Variants in HCFC1 observed in about 807,000 individuals in gnomAD.
The protein encoded by HCFC1 is host cell factor 1.
Under a neutral mutation model 105.5 loss-of-function variants are expected in HCFC1, and 7 were observed. The ratio of observed to expected loss-of-function variants is 0.07; its 90% CI spans 0.04 to 0.12. The LOEUF (loss-of-function observed/expected upper bound fraction) is 0.12, where lower values mean the gene tolerates loss of function less well. Ranked by LOEUF, HCFC1 falls within the 10% of genes least tolerant of loss-of-function variation. The pLI is 1.00. For missense variants in HCFC1, 1,065 were observed against 1,823.6 expected (o/e 0.58, Z 7.58); for synonymous variants, 918 against 828.1 (o/e 1.11, Z -1.86).
Position 153,956,364 on chromosome X carries a change from C to G in HCFC1, c.2683G>C (p.Ala895Pro). The change falls in exon 16 of 26, where the codon GCC (alanine) becomes CCC (proline). Residue 895 changes from alanine (A) to proline (P), a missense_variant. By Grantham distance (27) the Ala-to-Pro change is conservative. Around this residue, in one of 17 missense-constraint regions of HCFC1, gnomAD observed 137 missense variants for 378.2 expected, o/e 0.36. Transcript: ENST00000310441. ...TVTGTVSTSL[A>P]GAGGHSTSAS... ...CTAGTGCTGTGGCCCCCCGCCCCGGCAAGGCTGGTGGAGACGGTGCCTGTC... is the reference window on the plus strand; with the variant it reads ...CTAGTGCTGTGGCCCCCCGCCCCGGGAAGGCTGGTGGAGACGGTGCCTGTC... The G allele has an allele frequency of 8.2e-7, 1 of 1,212,157 alleles. No homozygotes were observed.
intron 1 of HCFC1, among the ~76,000 whole-genome samples, chrX:153,968,965 C>T (rs1262152625): frequency 8.9e-6 from 1 of 112,052 alleles, no homozygotes; most frequent in Non-Finnish European, 1.9e-5. Context: ...GCGCCCCCGC[C>T]CGGGGGCTGC....
At position 153,952,507 on chromosome X, in the gene HCFC1, C is replaced by T. The variant is rs1557112887; in HGVS notation, c.4942+7G>A. 8.7e-7 allele frequency: 1 copy of T among 1,149,477 alleles called. No homozygotes were observed. Among genetic ancestry groups the T allele is most frequent in the Admixed American group, 2.7e-5 (1 of 37,697 alleles). 94.7% of individuals were successfully genotyped at this position (1,149,477 alleles called of 1,213,427 possible). ...CCCGGCTTCCCCAGGGTTGCACCGG[C>T]ACTCACCCATGACGGCCTGCTGCGC... On this transcript the variant is annotated splice_region_variant and intron_variant, in intron 19 of 25. Transcript: ENST00000310441.
Position 153,949,398 on chromosome X carries a change from G to A in HCFC1, c.6069-12C>T, listed in dbSNP as rs782593087. 14 of 1,201,721 alleles carry A rather than the reference G, an allele frequency of 1.2e-5. No homozygotes were observed. The highest frequency in any genetic ancestry group is 1.8e-5 in the African/African-American group (1 of 56,740). ...TTGGAGCAGATTTCCTTGGAAGGCA[G>A]AAAAAGGAAAGAGAAAGTTAGTGTG... On this transcript the variant is annotated splice_polypyrimidine_tract_variant and intron_variant, in intron 25 of 25. Coordinates refer to ENST00000310441, the MANE Select transcript of HCFC1 (RefSeq NM_005334.3).
intron 3 of HCFC1, 142 bp from the exon 4 acceptor site, chrX:153,963,575 T>G: frequency 4.3e-6 from 2 of 464,290 alleles, no homozygotes; most frequent in Non-Finnish European, 7.4e-6. Context: ...ACCCTAGCTC[T>G]TGAGGAAGGG....
At position 153,951,856 on chromosome X, in the gene HCFC1, A is replaced by T; in HGVS notation, c.5245T>A (p.Ser1749Thr). The change falls in exon 20 of 26, where the codon TCA (serine) becomes ACA (threonine). Residue 1749 changes from serine to threonine, a missense_variant. Coordinates refer to ENST00000310441, the MANE Select transcript of HCFC1 (RefSeq NM_005334.3). Reference protein sequence around the residue: ...TVPSTVALLPSTATESLAPSN... With the variant: ...TVPSTVALLPTTATESLAPSN... ...AGTCGCTTACTCTCAGTGGCCGTTGAGGGCAGCAGCGCCACAGTGCTGGGG... is the reference window on the plus strand; with the variant it reads ...AGTCGCTTACTCTCAGTGGCCGTTGTGGGCAGCAGCGCCACAGTGCTGGGG... The T allele has an allele frequency of 8.4e-7, 1 of 1,193,817 alleles. No individual in the cohort carries two copies. Among genetic ancestry groups the T allele is most frequent in the Non-Finnish European group, 1.1e-6 (1 of 885,344 alleles).
rs2065418849 is a variant in HCFC1, at chrX:153,960,430, C to A, written c.905-16G>T. ...GCCATGGTATCTGGGGGAGGGCAGA[C>A]AAGGGAGGTCAGCAAGGAGGATGGA... is the stretch of plus-strand genomic sequence containing the variant. On this transcript the variant is annotated splice_polypyrimidine_tract_variant and intron_variant, in intron 6 of 25. Transcript: ENST00000310441. 6 of 1,156,177 alleles carry A rather than the reference C, an allele frequency of 5.2e-6. No homozygotes were observed. The East Asian group carries it at 1.8e-4, about 35-fold the overall frequency.
chrX:153,950,208 C>G (rs782588400), intron 24 of HCFC1, 35 bp downstream of exon 24: 2 of 1,123,481 alleles, frequency 1.8e-6, no homozygotes, highest in Non-Finnish European at 1.2e-6. Context: ...CCTGGGCCTT[C>G]CCTGTGCCTG....
chrX:153,957,111 C>T (rs1557115253), intron 13 of HCFC1, 51 bp from the exon 14 acceptor site: 3 of 1,155,187 alleles, frequency 2.6e-6, no homozygotes, highest in Non-Finnish European at 1.2e-6. Flanking sequence ...AGGGCTGCCC[C>T]TGCTGCCCCT....
rs182248392 is a variant in HCFC1 at position 153,954,691 on chromosome X, C to T, written c.3708G>A (p.Ala1236=). 4.2e-6 allele frequency: 5 copies of T among 1,202,685 alleles called. No homozygotes were observed. The African/African-American group carries it at 7.0e-5, about 17-fold the overall frequency. ...KDLPAGRHSH[A]VSTAAMTRSS... ...AACGGGTCATGGCAGCGGTGCTGAC[C>T]GCATGGCTGTGGCGCCCCGCAGGAA... Residue 1236 remains alanine (A), a synonymous_variant, in exon 17 of 26, where the codon GCG becomes GCA. Transcript: ENST00000310441.
In HCFC1 at chrX:153,959,859, C is replaced by G; in HGVS notation, c.1387G>C (p.Val463Leu). 8.4e-7 allele frequency: 1 copy of G among 1,192,311 alleles called. No homozygotes were observed. The highest frequency in any genetic ancestry group is 1.1e-6 in the Non-Finnish European group (1 of 883,638). ...PAPPTTTTIQ[V>L]LPTVPGSSIS... The stretch of plus-strand genomic sequence containing the variant: ...GAGCTGCCAGGCACCGTTGGCAAGA[C>G]CTGGATGGTGGTGGTGGTCGGGGGT... Residue 463 changes from valine (V) to leucine (L), a missense_variant, in exon 8 of 26, where the codon GTC becomes CTC. This residue lies in a region of HCFC1 where 101 missense variants were observed against 155.1 expected (regional missense o/e 0.65). Transcript: ENST00000310441.
At position 153,953,997 on chromosome X, in the gene HCFC1, T is replaced by C. The variant is rs915195461; in HGVS notation, c.4333+69A>G. 11 of 1,105,907 alleles carry C rather than the reference T, an allele frequency of 9.9e-6. 1 individual carries two copies. The African/African-American group carries it at 1.6e-4, about 16-fold the overall frequency. 91.1% of individuals were successfully genotyped at this position (1,105,907 alleles called of 1,213,427 possible). A position where few individuals can be genotyped will look rare whatever the true frequency, so the allele number is the denominator to read the frequency against. Reference sequence around the variant, plus strand: ...GTGGACTCTGGACGGACCCCCGCCATCGTTGTCTTGGCCTTTCAGCCTGGG... The same window carrying C: ...GTGGACTCTGGACGGACCCCCGCCACCGTTGTCTTGGCCTTTCAGCCTGGG... On this transcript the variant is annotated intron_variant, in intron 17 of 25. Coordinates refer to ENST00000310441, the MANE Select transcript of HCFC1 (RefSeq NM_005334.3).
rs782158304 is a variant in HCFC1, at chrX:153,953,670, G to T, written c.4434C>A (p.Ser1478=). ...SSSAITTTVS[S]TLTRAVTTVT... ...CGGTGGTCACAGCCCGCGTCAGTGT[G>T]GAGGACACGGTTGTCGTGATGGCAC... is the stretch of plus-strand genomic sequence containing the variant. The change falls in exon 18 of 26, where the codon TCC becomes TCA. Residue 1478 remains serine, a synonymous_variant. Transcript: ENST00000310441. 3 of 1,211,065 alleles carry T rather than the reference G, an allele frequency of 2.5e-6. No individual in the cohort carries two copies. The Admixed American group carries it at 6.5e-5, about 26-fold the overall frequency.
At chrX:153,968,456 G>C (rs1557118970) in intron 1 of HCFC1, among the ~76,000 whole-genome samples, 1 of 111,870 alleles carries the variant, frequency 8.9e-6, no homozygotes, top group African/African-American at 3.3e-5. Context: ...TGGCGGGAGG[G>C]GGCAGAAACC....
rs781875078 is a variant in HCFC1, at chrX:153,954,827, G to A, written c.3572C>T (p.Pro1191Leu). The change falls in exon 17 of 26, where the codon CCA becomes CTA. Residue 1191 changes from proline (P) to leucine (L), a missense_variant. Transcript: ENST00000310441. Reference sequence around the variant, plus strand: ...CCGTGCCATGCTCGGCCCAAGGAGTGGGCCGGCCGAGCACGGGGCCCCGGT... The same window carrying A: ...CCGTGCCATGCTCGGCCCAAGGAGTAGGCCGGCCGAGCACGGGGCCCCGGT... The part of the protein sequence containing the change: ...MATGAPCSAG[P>L]LLGPSMAREP... The A allele has an allele frequency of 8.7e-7, 1 of 1,155,106 alleles. No homozygotes were observed. Among genetic ancestry groups the A allele is most frequent in the East Asian group, 3.2e-5 (1 of 30,783 alleles).
rs2065358559 is a variant in HCFC1 at position 153,954,947 on chromosome X, A to G, written c.3452T>C (p.Val1151Ala). ...GGCTGCCTCCAGCGCCCCAGTGGCCACACTGATCCGGATCACGGCAGGGGT... is the reference window on the plus strand; with the variant it reads ...GGCTGCCTCCAGCGCCCCAGTGGCCGCACTGATCCGGATCACGGCAGGGGT... Reference protein sequence around the residue: ...AGTPAVIRISVATGALEAAQG... With the variant: ...AGTPAVIRISAATGALEAAQG... Residue 1151 changes from valine to alanine, a missense_variant, in exon 17 of 26, where the codon GTG becomes GCG. Val to Ala is a moderately conservative substitution (Grantham distance 64, BLOSUM62 0). Coordinates refer to ENST00000310441, the MANE Select transcript of HCFC1 (RefSeq NM_005334.3). The G allele has an allele frequency of 8.3e-7, 1 of 1,197,918 alleles. No individual in the cohort carries two copies. Among genetic ancestry groups the G allele is most frequent in the African/African-American group, 1.7e-5 (1 of 57,807 alleles).
In HCFC1 at chrX:153,966,870, G is replaced by A. The variant is rs782108755; in HGVS notation, c.194-2144C>T. ...AGTTTGGGACAAAGCTAAATGGCAC[G>A]TGGGGTCAGTGGGCAGCTTTCCTAT... On this transcript the variant is annotated intron_variant, in intron 1 of 25. Coordinates refer to ENST00000310441, the MANE Select transcript of HCFC1 (RefSeq NM_005334.3). 3.6e-5 allele frequency among the ~76,000 whole-genome samples: 4 copies of A among 112,605 alleles called. 1 individual carries two copies. Among genetic ancestry groups the A allele is most frequent in the South Asian group, 3.6e-4 (1 of 2,746 alleles).
chrX:153,959,310 G>A (rs782759207), intron 9 of HCFC1, 21 bp downstream of exon 9: 9 of 1,181,377 alleles, frequency 7.6e-6, no homozygotes, highest in South Asian at 7.5e-5. Context: ...AATCCCACCC[G>A]CCCCAGTGAC....
intron 1 of HCFC1, among the ~76,000 whole-genome samples, chrX:153,965,732 G>A (rs1321565420): frequency 1.8e-5 from 2 of 113,078 alleles, no homozygotes; most frequent in Non-Finnish European, 3.7e-5. Context: ...GGGCATGGGG[G>A]GATTCCTGTG....
rs1557113656 is a variant in HCFC1 at position 153,954,290 on chromosome X, G to A, written c.4109C>T (p.Ser1370Leu). 1.6e-5 allele frequency: 19 copies of A among 1,199,345 alleles called. No individual in the cohort carries two copies. Among genetic ancestry groups the A allele is most frequent in the Non-Finnish European group, 2.1e-5 (19 of 887,498 alleles). The change falls in exon 17 of 26, where the codon TCG (serine) becomes TTG (leucine). Residue 1370 changes from serine (S) to leucine (L), a missense_variant. This residue lies in a region of HCFC1 where 546 missense variants were observed against 599.9 expected (regional missense o/e 0.91). Transcript: ENST00000310441. ...HQTTSTGTTM[S>L]VSVGALLPDA... ...GGGAAGCAGGGCACCCACGCTGACCGACATGGTGGTGCCAGTGGAAGTGGT... is the reference window on the plus strand; with the variant it reads ...GGGAAGCAGGGCACCCACGCTGACCAACATGGTGGTGCCAGTGGAAGTGGT...
Sources: gnomAD v4.1 joint callset for allele counts (sites outside exome capture counted in the v4.1 genomes callset) on GRCh38, gnomAD v4.1.1 for gene constraint, gnomAD v4.1.1 regional missense constraint, MANE v1.5 for transcripts, NCBI Gene and HGNC (gene_info 2026-07-23, HGNC 2026-07-21) for gene names.